The following SPMIP2 variants were observed in gnomAD, a reference collection of about 807,000 sequenced individuals.
The protein encoded by SPMIP2 is protein SPMIP2.
At chr4:159,042,672 TG>T in the SPMIP2 span, among the ~76,000 whole-genome samples, 1 of 152,312 alleles carries the variant, frequency 6.6e-6, no homozygotes, top group African/African-American at 2.4e-5. Flanking sequence ...ATTTTGTTTT[TG>T]TTTTTTTGAG....
chr4:159,012,284 C>T, the SPMIP2 span, among the ~76,000 whole-genome samples: 6 of 152,010 alleles, frequency 3.9e-5, no homozygotes, highest in South Asian at 1.0e-3. Context: ...AGAGTATTGG[C>T]ACTTAGAGAT....
the SPMIP2 span, among the ~76,000 whole-genome samples, chr4:159,004,111 G>C: frequency 6.6e-6 from 1 of 151,858 alleles, no homozygotes; most frequent in Non-Finnish European, 1.5e-5. Context: ...CTACCTCCCG[G>C]GTTCAAGTGA....
At chr4:158,924,404 A>G in the SPMIP2 span, among the ~76,000 whole-genome samples, 2 of 152,122 alleles carry the variant, frequency 1.3e-5, no homozygotes, top group Non-Finnish European at 2.9e-5. Context: ...TTTGAGACAA[A>G]GTTTTGCTCT....
At chr4:158,932,529 C>T in the SPMIP2 span, among the ~76,000 whole-genome samples, 3 of 152,160 alleles carry the variant, frequency 2.0e-5, no homozygotes, top group Non-Finnish European at 4.4e-5. Context: ...TCTGGTAAAT[C>T]CAATGTTTCA....
At chr4:158,924,298 G>GT in the SPMIP2 span, among the ~76,000 whole-genome samples, 5 of 152,152 alleles carry the variant, frequency 3.3e-5, no homozygotes, top group Non-Finnish European at 7.4e-5. Flanking sequence ...TTTGTTGAGT[G>GT]TTTTTCATCA....
At chr4:159,014,036 G>A in the SPMIP2 span, among the ~76,000 whole-genome samples, 1 of 152,142 alleles carries the variant, frequency 6.6e-6, no homozygotes, top group Non-Finnish European at 1.5e-5. Flanking sequence ...ATAGTTGCAA[G>A]CAATGTGAAT....
chr4:159,030,315 G>A, the SPMIP2 span, among the ~76,000 whole-genome samples: 5 of 152,002 alleles, frequency 3.3e-5, no homozygotes, highest in Non-Finnish European at 7.4e-5. Context: ...GGGAGGCTGA[G>A]GTGGGAGGAT....
chr4:158,937,360 T>C, the SPMIP2 span: 1 of 153,518 alleles, frequency 6.5e-6, no homozygotes, highest in East Asian at 1.9e-4. Flanking sequence ...CCAAGGATAA[T>C]TGTTGCCTGG....
chr4:158,991,056 G>T, the SPMIP2 span, among the ~76,000 whole-genome samples: 1 of 152,112 alleles, frequency 6.6e-6, no homozygotes, highest in Non-Finnish European at 1.5e-5. Flanking sequence ...GGGACTACAG[G>T]CACATGCCAC....
chr4:158,899,936 GTTAGGGTGTCGATT>G, the SPMIP2 span, among the ~76,000 whole-genome samples: 1 of 152,164 alleles, frequency 6.6e-6, no homozygotes, highest in Non-Finnish European at 1.5e-5. Flanking sequence ...TAATTGTGAT[GTTAGGGTGTCGATT>G]TTAGATCTTT....
chr4:159,009,634 C>A, the SPMIP2 span, among the ~76,000 whole-genome samples: 6 of 152,050 alleles, frequency 3.9e-5, no homozygotes, highest in Admixed American at 1.3e-4. Flanking sequence ...TCAAATGTCC[C>A]CATGTTTCCG....
chr4:159,032,735 T>C, the SPMIP2 span, among the ~76,000 whole-genome samples: 1 of 149,690 alleles, frequency 6.7e-6, no homozygotes, highest in Non-Finnish European at 1.5e-5. Flanking sequence ...CGTAACATTG[T>C]AAAATGTCTA....
chr4:159,080,226 T>G, the SPMIP2 span, among the ~76,000 whole-genome samples: 1 of 150,594 alleles, frequency 6.6e-6, no homozygotes. Flanking sequence ...ATTTATTTAT[T>G]TATTTATTTT....
the SPMIP2 span, among the ~76,000 whole-genome samples, chr4:159,029,333 G>A: frequency 6.6e-6 from 1 of 152,184 alleles, no homozygotes; most frequent in Non-Finnish European, 1.5e-5. Flanking sequence ...GAACTTTTTA[G>A]AGTGATAAAA....
the SPMIP2 span, chr4:158,895,939 C>T: frequency 9.1e-7 from 1 of 1,095,826 alleles, no homozygotes; most frequent in South Asian, 1.3e-5. Flanking sequence ...ACGTGTTTAG[C>T]CTGTGTCACC....
At chr4:158,980,461 C>T in the SPMIP2 span, among the ~76,000 whole-genome samples, 1 of 152,198 alleles carries the variant, frequency 6.6e-6, no homozygotes, top group Non-Finnish European at 1.5e-5. Context: ...AGAGCCCTGG[C>T]TGGCATCTGG....
chr4:159,079,690 T>G, the SPMIP2 span, among the ~76,000 whole-genome samples: 1 of 152,214 alleles, frequency 6.6e-6, no homozygotes, highest in Non-Finnish European at 1.5e-5. Context: ...TCATTTGGTT[T>G]CTGCTTTAAT....
At chr4:158,984,247 C>T in the SPMIP2 span, among the ~76,000 whole-genome samples, 3 of 45,830 alleles carry the variant, frequency 6.5e-5, no homozygotes, top group African/African-American at 2.1e-4. Flanking sequence ...AACAAGGATA[C>T]CCAGGAATTG....
the SPMIP2 span, among the ~76,000 whole-genome samples, chr4:158,923,615 G>T: frequency 6.6e-6 from 1 of 152,060 alleles, no homozygotes; most frequent in African/African-American, 2.4e-5. Flanking sequence ...ATTTTATGTA[G>T]ATTCCTTAGG....
Sources: allele counts gnomAD v4.1 joint callset (sites outside exome capture counted in the v4.1 genomes callset), GRCh38; gene constraint gnomAD v4.1.1; transcripts MANE v1.5; gene names NCBI Gene and HGNC (gene_info 2026-07-23, HGNC 2026-07-21).